Variants in PLCB1 observed in about 807,000 individuals in gnomAD.
PLCB1 encodes the protein 1-phosphatidylinositol 4,5-bisphosphate phosphodiesterase beta-1.
In PLCB1, 46 loss-of-function variants were observed where a neutral mutation model predicts 161.8. That is an observed-to-expected ratio of 0.28 (90% CI 0.22 to 0.36). The LOEUF (loss-of-function observed/expected upper bound fraction) is 0.36. Ranked by LOEUF, PLCB1 falls within the 10% of genes least tolerant of loss-of-function variation. The pLI, the probability that PLCB1 is intolerant of heterozygous loss-of-function variation, is 1.00. For missense variants in PLCB1, 1,016 were observed against 1,472.5 expected, an observed-to-expected ratio of 0.69 and a Z score of 5.07; for synonymous variants, 517 against 503.7, an observed-to-expected ratio of 1.03 and a Z score of -0.35.
intron 31 of PLCB1, among the ~76,000 whole-genome samples, chr20:8,803,713 T>C (rs1338081349): frequency 6.6e-6 from 1 of 152,154 alleles, no homozygotes; most frequent in East Asian, 1.9e-4. Flanking sequence ...AAATCATCAG[T>C]GATGAGCACC....
chr20:8,803,378 T>A (rs1568605774), intron 31 of PLCB1, among the ~76,000 whole-genome samples: 1 of 151,766 alleles, frequency 6.6e-6, no homozygotes, highest in African/African-American at 2.4e-5. Flanking sequence ...GCAACTGTCA[T>A]GGCATTTTAA....
At chr20:8,652,381 C>T (rs1989344844) in intron 7 of PLCB1, 1 of 151,988 alleles carries the variant, frequency 6.6e-6, no homozygotes, top group Non-Finnish European at 1.5e-5. Flanking sequence ...AATTAGAATG[C>T]TTTTTAAAAA....
intron 9 of PLCB1, among the ~76,000 whole-genome samples, chr20:8,678,026 G>A (rs1990129031): frequency 6.6e-6 from 1 of 152,144 alleles, no homozygotes; most frequent in African/African-American, 2.4e-5. Context: ...AAGACTTCAA[G>A]AGAATCTAAC....
intron 3 of PLCB1, among the ~76,000 whole-genome samples, chr20:8,465,222 G>A (rs909564913): frequency 1.3e-5 from 2 of 152,022 alleles, no homozygotes. Flanking sequence ...GATGATTTTT[G>A]TTTGCTTCAA....
intron 3 of PLCB1, among the ~76,000 whole-genome samples, chr20:8,462,160 TAAG>T (rs1020876611): frequency 1.1e-4 from 17 of 151,980 alleles, no homozygotes; most frequent in African/African-American, 4.1e-4. Flanking sequence ...TTCAAGAAAA[TAAG>T]AAAAATCACA....
intron 2 of PLCB1, among the ~76,000 whole-genome samples, chr20:8,276,499 C>A (rs1276013082): frequency 6.6e-6 from 1 of 152,174 alleles, no homozygotes; most frequent in East Asian, 1.9e-4. Context: ...TCTGTGGCTG[C>A]TGCTCCTTTC....
In PLCB1 at chr20:8,582,350, T is replaced by C. The variant is rs79218417; in HGVS notation, c.247-45944T>C. 6.0e-3 allele frequency among the ~76,000 whole-genome samples: 908 copies of C among 152,176 alleles called. 12 individuals carry two copies. Among genetic ancestry groups the C allele is most frequent in the African/African-American group, 0.021 (882 of 41,514 alleles). ...CTGGGAGGTAACGCCCTACACCCAA[T>C]AGTGGCCCGTAGCCCATGATTGACT... On this transcript the variant is annotated intron_variant, in intron 3 of 31. Coordinates refer to ENST00000338037, the MANE Select transcript of PLCB1 (RefSeq NM_015192.4).
intron 9 of PLCB1, among the ~76,000 whole-genome samples, chr20:8,669,271 G>A: frequency 6.6e-6 from 1 of 152,208 alleles, no homozygotes; most frequent in Non-Finnish European, 1.5e-5. Context: ...TTGACATTGT[G>A]GGGAGTTTCC....
intron 3 of PLCB1, among the ~76,000 whole-genome samples, chr20:8,568,393 A>T (rs1421224090): frequency 6.6e-6 from 1 of 152,158 alleles, no homozygotes; most frequent in African/African-American, 2.4e-5. Flanking sequence ...ATTTCAAAAG[A>T]TTTCCTTAAA....
At chr20:8,138,184 C>T (rs554755896) in intron 1 of PLCB1, among the ~76,000 whole-genome samples, 97 of 152,338 alleles carry the variant, frequency 6.4e-4, no homozygotes, top group Non-Finnish European at 1.1e-3. Context: ...ATTTCCCCAC[C>T]TATGGTGAAT....
chr20:8,180,163 A>G (rs1046549861), intron 2 of PLCB1, among the ~76,000 whole-genome samples: 1 of 152,102 alleles, frequency 6.6e-6, no homozygotes, highest in African/African-American at 2.4e-5. Context: ...CGGCCTGTTG[A>G]GGGCTTTTAA....
intron 2 of PLCB1, among the ~76,000 whole-genome samples, chr20:8,237,769 T>C (rs950535471): frequency 1.3e-5 from 2 of 152,082 alleles, no homozygotes; most frequent in Non-Finnish European, 2.9e-5. Context: ...GCACCAACCA[T>C]GGGATTAATT....
At chr20:8,546,083 G>A (rs901309636) in intron 3 of PLCB1, among the ~76,000 whole-genome samples, 6 of 152,204 alleles carry the variant, frequency 3.9e-5, no homozygotes, top group Non-Finnish European at 7.4e-5. Flanking sequence ...TTGGGAGGCC[G>A]AGGCGGACGG....
chr20:8,352,329 A>G (rs1986206684), intron 2 of PLCB1, among the ~76,000 whole-genome samples: 1 of 152,088 alleles, frequency 6.6e-6, no homozygotes, highest in African/African-American at 2.4e-5. Context: ...GGGGCTGTAG[A>G]GGAGATTGAA....
intron 3 of PLCB1, among the ~76,000 whole-genome samples, chr20:8,563,510 G>A (rs1196434574): frequency 2.6e-5 from 4 of 151,986 alleles, no homozygotes; most frequent in Non-Finnish European, 1.5e-5. Context: ...CCTGGACACA[G>A]TGCAATATGG....
chr20:8,752,707 C>T (rs543195049), intron 23 of PLCB1, among the ~76,000 whole-genome samples: 46 of 151,476 alleles, frequency 3.0e-4, no homozygotes, highest in African/African-American at 1.1e-3. Context: ...GCAGGAGAAT[C>T]GCTTGAACCC....
intron 10 of PLCB1, 58 bp from the exon 11 acceptor site, chr20:8,697,568 C>T: frequency 6.4e-7 from 1 of 1,565,002 alleles, no homozygotes; most frequent in Non-Finnish European, 8.8e-7. Flanking sequence ...TCTAAGAAAG[C>T]ACCACGGTCA....
intron 31 of PLCB1, among the ~76,000 whole-genome samples, chr20:8,798,793 G>A (rs1422508086): frequency 6.6e-6 from 1 of 152,154 alleles, no homozygotes; most frequent in African/African-American, 2.4e-5. Flanking sequence ...CACAATAGCT[G>A]GAAACATACA....
At chr20:8,465,670 C>A (rs532761167) in intron 3 of PLCB1, among the ~76,000 whole-genome samples, 1 of 152,206 alleles carries the variant, frequency 6.6e-6, no homozygotes, top group African/African-American at 2.4e-5. Flanking sequence ...CCTTTTCCAG[C>A]AGAAGAGCCC....
Sources: allele counts gnomAD v4.1 joint callset (sites outside exome capture counted in the v4.1 genomes callset), GRCh38; gene constraint gnomAD v4.1.1; transcripts MANE v1.5; gene names NCBI Gene and HGNC (gene_info 2026-07-23, HGNC 2026-07-21).